The following AGBL4 variants were observed in gnomAD, a reference collection of about 807,000 sequenced individuals.
AGBL4 encodes cytosolic carboxypeptidase 6.
Under a neutral mutation model 66.4 loss-of-function variants are expected in AGBL4, and 58 were observed. That is an observed-to-expected ratio of 0.87 (90% confidence interval 0.71 to 1.09). The LOEUF (loss-of-function observed/expected upper bound fraction) is 1.09. Ranked by LOEUF, AGBL4 falls within the 50% of genes least tolerant of loss-of-function variation. AGBL4 has a pLI of 0.00. For synonymous variants in AGBL4, 234 were observed against 222.9 expected, an observed-to-expected ratio of 1.05 and a Z score of -0.44; for missense variants, 579 against 631.0, an observed-to-expected ratio of 0.92 and a Z score of 0.88.
chr1:49,494,676 G>T (rs1207167137), intron 3 of AGBL4, among the ~76,000 whole-genome samples: 2 of 152,012 alleles, frequency 1.3e-5, no homozygotes, highest in African/African-American at 4.8e-5. Context: ...GTCTAATACT[G>T]TTAGACATTT....
At chr1:48,975,935 G>A (rs1391492643) in intron 5 of AGBL4, among the ~76,000 whole-genome samples, 1 of 152,068 alleles carries the variant, frequency 6.6e-6, no homozygotes, top group Non-Finnish European at 1.5e-5. Context: ...AATAGTAATG[G>A]GGAATCTTTC....
At chr1:48,925,064 C>T (rs954356049) in intron 5 of AGBL4, among the ~76,000 whole-genome samples, 5 of 151,602 alleles carry the variant, frequency 3.3e-5, no homozygotes, top group Admixed American at 2.0e-4. Context: ...TTACTAAATG[C>T]GTATTGCTTT....
chr1:48,557,417 C>G (rs1365971125), intron 11 of AGBL4, among the ~76,000 whole-genome samples: 1 of 152,018 alleles, frequency 6.6e-6, no homozygotes, highest in Non-Finnish European at 1.5e-5. Context: ...TCACACACTC[C>G]AGAAGGTAAA....
chr1:49,515,165 T>A (rs1299563682), intron 3 of AGBL4, among the ~76,000 whole-genome samples: 9 of 152,046 alleles, frequency 5.9e-5, no homozygotes, highest in Non-Finnish European at 8.8e-5. Flanking sequence ...ATCCAGAATC[T>A]ACAATGAACT....
chr1:49,349,186 T>C (rs896647422), intron 3 of AGBL4, among the ~76,000 whole-genome samples: 3 of 152,204 alleles, frequency 2.0e-5, no homozygotes, highest in African/African-American at 4.8e-5. Context: ...CCATGATCAA[T>C]AGAGTTGGTA....
At chr1:48,780,848 C>T (rs1645275574) in intron 6 of AGBL4, among the ~76,000 whole-genome samples, 1 of 152,152 alleles carries the variant, frequency 6.6e-6, no homozygotes, top group Admixed American at 6.6e-5. Flanking sequence ...TAGGTAATAC[C>T]ATTCAGGACA....
chr1:49,856,520 A>T (rs1056292912), intron 1 of AGBL4, among the ~76,000 whole-genome samples: 29 of 152,066 alleles, frequency 1.9e-4, no homozygotes, highest in African/African-American at 6.8e-4. Context: ...ATCAAAAAGG[A>T]TATACACCAT....
intron 3 of AGBL4, among the ~76,000 whole-genome samples, chr1:49,339,808 A>G (rs1645502683): frequency 6.6e-6 from 1 of 152,174 alleles, no homozygotes; most frequent in African/African-American, 2.4e-5. Flanking sequence ...ATTGGAACAA[A>G]TTTGGCATTA....
chr1:48,672,444 A>C (rs1333716664), intron 6 of AGBL4, among the ~76,000 whole-genome samples: 1 of 152,246 alleles, frequency 6.6e-6, no homozygotes, highest in Non-Finnish European at 1.5e-5. Flanking sequence ...CCAAAGCCTG[A>C]TGTCACTCGA....
intron 12 of AGBL4, among the ~76,000 whole-genome samples, chr1:48,536,090 G>C (rs1366726441): frequency 6.6e-6 from 1 of 152,148 alleles, no homozygotes; most frequent in Non-Finnish European, 1.5e-5. Flanking sequence ...GCTCAGCAGA[G>C]AGGAAGCAGC....
At chr1:48,528,400 C>T (rs1643890883), downstream of AGBL4, among the ~76,000 whole-genome samples, 1 of 152,092 alleles carries the variant, frequency 6.6e-6, no homozygotes. Flanking sequence ...TTAAGATTGA[C>T]ATGGGGTCAG....
At chr1:48,861,640 T>C (rs1407447289) in intron 6 of AGBL4, among the ~76,000 whole-genome samples, 1 of 152,218 alleles carries the variant, frequency 6.6e-6, no homozygotes, top group East Asian at 1.9e-4. Flanking sequence ...GCATCCTCTA[T>C]ATGGGAATGC....
intron 3 of AGBL4, among the ~76,000 whole-genome samples, chr1:49,623,248 CT>C (rs1645401941): frequency 6.6e-6 from 1 of 152,178 alleles, no homozygotes; most frequent in Non-Finnish European, 1.5e-5. Context: ...TGCTGCTTTG[CT>C]GTCTCTGCCC....
At chr1:49,552,339 T>C (rs540441708) in intron 3 of AGBL4, among the ~76,000 whole-genome samples, 1 of 152,244 alleles carries the variant, frequency 6.6e-6, no homozygotes, top group Non-Finnish European at 1.5e-5. Flanking sequence ...CTCATTCAAA[T>C]TGTTACAAAG....
intron 5 of AGBL4, among the ~76,000 whole-genome samples, chr1:48,904,923 C>T (rs1652438353): frequency 3.2e-5 from 1 of 31,610 alleles, no homozygotes; most frequent in Non-Finnish European, 2.0e-4. Context: ...AGGCGAGACG[C>T]TGTACAGTCT....
intron 11 of AGBL4, among the ~76,000 whole-genome samples, chr1:48,558,123 C>A (rs1490204567): frequency 6.6e-6 from 1 of 152,158 alleles, no homozygotes; most frequent in Non-Finnish European, 1.5e-5. Flanking sequence ...GACTGTATGA[C>A]TTAATGAATG....
intron 4 of AGBL4, among the ~76,000 whole-genome samples, chr1:49,084,427 G>A (rs1463170459): frequency 6.6e-6 from 1 of 152,200 alleles, no homozygotes. Flanking sequence ...CATGATCATG[G>A]CAGAGGGTGA....
chr1:49,248,083 AT>A (rs974214759), intron 3 of AGBL4, among the ~76,000 whole-genome samples: 5 of 152,170 alleles, frequency 3.3e-5, no homozygotes, highest in Admixed American at 2.6e-4. Context: ...TGGTGGAGAG[AT>A]TCAAAATTAT....
intron 8 of AGBL4, among the ~76,000 whole-genome samples, chr1:48,649,510 C>G (rs1020224637): frequency 2.0e-5 from 3 of 152,180 alleles, no homozygotes; most frequent in African/African-American, 4.8e-5. Context: ...AGTATAGGCT[C>G]TATATACTCT....
Sources: gnomAD v4.1 joint callset for allele counts (sites outside exome capture counted in the v4.1 genomes callset) on GRCh38, gnomAD v4.1.1 for gene constraint, MANE v1.5 for transcripts, NCBI Gene and HGNC (gene_info 2026-07-23, HGNC 2026-07-21) for gene names.